THRB: variants seen among roughly 807,000 people sequenced by gnomAD.
The protein encoded by THRB is nuclear receptor subfamily 1 group A member 2.
A neutral mutation model predicts 47.8 loss-of-function variants in THRB; 12 were observed. The observed-to-expected ratio is 0.25, with a 90% CI of 0.16 to 0.41. The LOEUF (loss-of-function observed/expected upper bound fraction) is 0.41. Ranked by LOEUF, THRB falls within the 10% of genes least tolerant of loss-of-function variation. The pLI is 1.00. For missense variants in THRB, 348 were observed against 589.2 expected (o/e 0.59, Z 4.24); for synonymous variants, 218 against 212.2 (o/e 1.03, Z -0.24).
chr3:24,297,009 C>G (rs2056502584), intron 3 of THRB, among the ~76,000 whole-genome samples: 1 of 152,168 alleles, frequency 6.6e-6, no homozygotes, highest in African/African-American at 2.4e-5. Context: ...ACTTCTAACC[C>G]CATTTAACTC....
chr3:24,401,194 G>A (rs1026863257), intron 1 of THRB, among the ~76,000 whole-genome samples: 3 of 152,018 alleles, frequency 2.0e-5, no homozygotes, highest in African/African-American at 7.2e-5. Context: ...GTTGAGAAAG[G>A]GAGTAGTTAG....
chr3:24,233,917 G>A (rs2048603345), intron 3 of THRB, among the ~76,000 whole-genome samples: 1 of 152,182 alleles, frequency 6.6e-6, no homozygotes, highest in African/African-American at 2.4e-5. Flanking sequence ...ATGTCTCATA[G>A]GCTGGGATGG....
At chr3:24,213,744 C>G (rs940074851) in intron 4 of THRB, among the ~76,000 whole-genome samples, 1 of 152,308 alleles carries the variant, frequency 6.6e-6, no homozygotes, top group African/African-American at 2.4e-5. Context: ...CTAGAAGACT[C>G]ATTTCTGAGC....
At chr3:24,155,440 C>T (rs1334179713) in intron 5 of THRB, among the ~76,000 whole-genome samples, 6 of 152,158 alleles carry the variant, frequency 3.9e-5, no homozygotes, top group Admixed American at 3.9e-4. Flanking sequence ...AAAACAGTCA[C>T]CACAGGCAAT....
At chr3:24,440,211 C>T (rs2071395671) in intron 1 of THRB, among the ~76,000 whole-genome samples, 1 of 152,130 alleles carries the variant, frequency 6.6e-6, no homozygotes, top group South Asian at 2.1e-4. Context: ...TTCCATCATT[C>T]CAATTTGAAA....
chr3:24,208,912 G>A (rs1036995137), intron 4 of THRB, among the ~76,000 whole-genome samples: 5 of 152,160 alleles, frequency 3.3e-5, no homozygotes, highest in African/African-American at 7.2e-5. Context: ...GGCAACCTAT[G>A]GAATGGTAGA....
At chr3:24,223,777 GAATT>G (rs1434211735) in intron 4 of THRB, among the ~76,000 whole-genome samples, 7 of 151,858 alleles carry the variant, frequency 4.6e-5, no homozygotes, top group East Asian at 3.9e-4. Context: ...GATAGAAAAT[GAATT>G]AATTCCCTAA....
intron 8 of THRB, among the ~76,000 whole-genome samples, chr3:24,136,715 G>A (rs918725845): frequency 3.3e-5 from 5 of 152,218 alleles, no homozygotes; most frequent in Admixed American, 1.3e-4. Context: ...CTGTAGACCT[G>A]TGGGGAAAGC....
At chr3:24,315,247 A>G (rs990667133) in intron 2 of THRB, among the ~76,000 whole-genome samples, 1 of 152,116 alleles carries the variant, frequency 6.6e-6, no homozygotes, top group East Asian at 1.9e-4. Context: ...GTGGTTTGAC[A>G]CTTACCCTGC....
intron 1 of THRB, among the ~76,000 whole-genome samples, chr3:24,347,706 T>G (rs1424148295): frequency 2.0e-5 from 3 of 151,570 alleles, no homozygotes; most frequent in African/African-American, 7.3e-5. Flanking sequence ...CATGAACACT[T>G]CATGGCAATA....
At chr3:24,361,302 C>T (rs1436934892) in intron 1 of THRB, among the ~76,000 whole-genome samples, 1 of 152,120 alleles carries the variant, frequency 6.6e-6, no homozygotes, top group African/African-American at 2.4e-5. Context: ...TGGAAAAACA[C>T]ACCATCATCA....
rs567885954 is a variant in THRB, at chr3:24,393,632, G to T, written c.-260-56261C>A. Among the ~76,000 whole-genome samples, 11 of 152,190 alleles carry T rather than the reference G, an allele frequency of 7.2e-5. No homozygotes were observed. In the East Asian group the frequency reaches 2.1e-3, roughly 29 times the overall value. On this transcript the variant is annotated intron_variant, in intron 1 of 10. Transcript: ENST00000646209. ...TTCATCCTTGCATATTCACAGTAAA[G>T]AAAATAAATACCTGCTGTTTTAAAC...
At chr3:24,344,888 A>C (rs1246380150) in intron 1 of THRB, among the ~76,000 whole-genome samples, 1 of 152,090 alleles carries the variant, frequency 6.6e-6, no homozygotes, top group Non-Finnish European at 1.5e-5. Context: ...AGTATGAAAA[A>C]CACTACTGAA....
At chr3:24,316,505 C>T (rs1490727690) in intron 2 of THRB, among the ~76,000 whole-genome samples, 1 of 152,038 alleles carries the variant, frequency 6.6e-6, no homozygotes, top group East Asian at 1.9e-4. Flanking sequence ...CCTCCTCCCC[C>T]ACCACATGCT....
At position 24,143,496 on chromosome 3, in the gene THRB, C is replaced by A. The variant is rs781366451; in HGVS notation, c.738+5G>T. On this transcript the variant is annotated splice_donor_5th_base_variant and intron_variant, in intron 8 of 10. Coordinates refer to ENST00000646209, the MANE Select transcript of THRB (RefSeq NM_001354712.2). ...GTGAAACTGATCTGTGCAAGGAAGCCTTACCAGGAATTTCCGTTTTTGCTT... is the reference window on the plus strand; with the variant it reads ...GTGAAACTGATCTGTGCAAGGAAGCATTACCAGGAATTTCCGTTTTTGCTT... The A allele has an allele frequency of 6.8e-6, 11 of 1,614,068 alleles. No individual in the cohort carries two copies. In the South Asian group the frequency reaches 1.1e-4, roughly 16 times the overall value.
intron 3 of THRB, among the ~76,000 whole-genome samples, chr3:24,270,359 GACTC>G (rs1222077544): frequency 6.6e-6 from 1 of 152,138 alleles, no homozygotes; most frequent in Middle Eastern, 3.2e-3. Context: ...CTCACTCCCT[GACTC>G]ACTTTAAAAA....
At chr3:24,261,520 C>CAAAA (rs1207008580) in intron 3 of THRB, among the ~76,000 whole-genome samples, 9 of 119,564 alleles carry the variant, frequency 7.5e-5, no homozygotes, top group African/African-American at 3.2e-4. Flanking sequence ...AAAAAAAAAC[C>CAAAA]AAAAAAAACT....
Position 24,414,951 on chromosome 3 carries a change from T to A in THRB, c.-260-77580A>T, listed in dbSNP as rs114595198. On this transcript the variant is annotated intron_variant, in intron 1 of 10. Coordinates refer to ENST00000646209, the MANE Select transcript of THRB (RefSeq NM_001354712.2). ...AGTTAATGTGTTCAAAAACACAGTA[T>A]TTTCCATGGCATTTTTGGTGGGCAA... Among the ~76,000 whole-genome samples the A allele has an allele frequency of 3.4e-3, 513 of 151,986 alleles. 2 individuals are homozygous for A. The highest frequency in any genetic ancestry group is 0.011 in the African/African-American group (476 of 41,542).
chr3:24,186,944 C>CAA lies in THRB; in HGVS notation c.283+3128_283+3129dup, dbSNP rs71057655. 4.5e-3 allele frequency among the ~76,000 whole-genome samples: 347 copies of CAA among 77,418 alleles called. 6 individuals carry two copies. Among genetic ancestry groups the CAA allele is most frequent in the African/African-American group, 8.9e-3 (187 of 21,060 alleles). 50.8% of individuals were successfully genotyped at this position (77,418 alleles called of 152,430 possible). Reference sequence around the variant, plus strand: ...TGGGCAACAGAGCAAGACTCCATTTCAAAAAAAAAAAAAAAAAAAAAAAGC... The same window carrying CAA: ...TGGGCAACAGAGCAAGACTCCATTTCAAAAAAAAAAAAAAAAAAAAAAAAAGC... On this transcript the variant is annotated intron_variant, in intron 5 of 10. Coordinates refer to ENST00000646209, the MANE Select transcript of THRB (RefSeq NM_001354712.2).
Sources: gnomAD v4.1 joint callset for allele counts (sites outside exome capture counted in the v4.1 genomes callset) on GRCh38, gnomAD v4.1.1 for gene constraint, MANE v1.5 for transcripts, NCBI Gene and HGNC (gene_info 2026-07-23, HGNC 2026-07-21) for gene names.